NAA35: variants seen among roughly 807,000 people sequenced by gnomAD.
NAA35 encodes N-alpha-acetyltransferase 35, NatC auxiliary subunit.
NAA35 carries 18 observed loss-of-function variants against 101.7 expected under a neutral mutation model. The observed-to-expected ratio is 0.18, with a 90% CI of 0.12 to 0.26. The LOEUF (loss-of-function observed/expected upper bound fraction) is 0.26, where lower values mean the gene tolerates loss of function less well. Among genes scored for constraint, NAA35 ranks in the 10% least tolerant of loss-of-function variants. The pLI is 1.00. For synonymous variants in NAA35, 267 were observed against 273.1 expected (o/e 0.98, Z 0.22); for missense variants, 601 against 886.8 (o/e 0.68, Z 4.09).
At chr9:86,005,954 C>T (rs10868360) in intron 13 of NAA35, among the ~76,000 whole-genome samples, 13,840 of 151,316 alleles carry the variant, frequency 0.091, 776 homozygotes, top group Non-Finnish European at 0.13. Flanking sequence ...GGTTGGATCA[C>T]GAGGTCAGAA....
intron 2 of NAA35, among the ~76,000 whole-genome samples, chr9:85,946,074 A>G (rs996291884): frequency 5.9e-5 from 9 of 152,074 alleles, no homozygotes; most frequent in African/African-American, 1.2e-4. Flanking sequence ...CTGATAGGAA[A>G]TATGTGATTA....
chr9:85,998,097 G>A (rs1428982386), intron 12 of NAA35, among the ~76,000 whole-genome samples: 2 of 152,050 alleles, frequency 1.3e-5, no homozygotes, highest in Non-Finnish European at 2.9e-5. Context: ...TGTATTTTTA[G>A]TAGAAACGGG....
intron 6 of NAA35, among the ~76,000 whole-genome samples, chr9:85,963,665 C>T (rs1335001872): frequency 5.3e-5 from 8 of 152,018 alleles, no homozygotes; most frequent in African/African-American, 1.9e-4. Context: ...TATGGAAAAT[C>T]TTACTCATTT....
At chr9:86,014,480 A>G in intron 17 of NAA35, 1 of 353,608 alleles carries the variant, frequency 2.8e-6, no homozygotes, top group Non-Finnish European at 4.0e-6. Flanking sequence ...TCATAGAAAG[A>G]AAATAAGATT....
At position 85,964,727 on chromosome 9, in the gene NAA35, A is replaced by G. The variant is rs183793935; in HGVS notation, c.516+2547A>G. ...CTTACGATTAGATTAAGATTGTGCA[A>G]TCTTGGCTGGAATATAACATAAGTG... On this transcript the variant is annotated intron_variant, in intron 6 of 22. Coordinates refer to ENST00000361671, the MANE Select transcript of NAA35 (RefSeq NM_024635.4). Among the ~76,000 whole-genome samples, 129 of 152,324 alleles carry G rather than the reference A, an allele frequency of 8.5e-4. 1 individual carries two copies. Among genetic ancestry groups the G allele is most frequent in the Non-Finnish European group, 1.3e-3 (91 of 68,030 alleles).
Position 85,975,130 on chromosome 9 carries a change from G to A in NAA35, c.600G>A (p.Val200=). Residue 200 remains valine, a synonymous_variant, in exon 8 of 23, where the codon GTG becomes GTA. Transcript: ENST00000361671. ...DLRVTGMLKD[V]EDDMQRRVKS... ...TTTTTCTAGGCATGCTAAAAGATGT[G>A]GAGGATGACATGCAAAGAAGAGTAA... is the stretch of plus-strand genomic sequence containing the variant. The A allele has an allele frequency of 6.2e-7, 1 of 1,613,590 alleles. No individual in the cohort carries two copies. Among genetic ancestry groups the A allele is most frequent in the Non-Finnish European group, 8.5e-7 (1 of 1,179,784 alleles).
chr9:86,006,309 T>C (rs1343851663), intron 13 of NAA35, among the ~76,000 whole-genome samples: 2 of 152,206 alleles, frequency 1.3e-5, no homozygotes, highest in African/African-American at 2.4e-5. Flanking sequence ...CCTAGTTGAT[T>C]GCCTAAGAGA....
At position 85,976,691 on chromosome 9, in the gene NAA35, C is replaced by A; in HGVS notation, c.634C>A (p.Arg212=). 2 of 1,581,358 alleles carry A rather than the reference C, an allele frequency of 1.3e-6. No individual in the cohort carries two copies. The highest frequency in any genetic ancestry group is 1.2e-5 in the South Asian group (1 of 85,162). ...ACCTTTTTTAAAATTTTAGAGTACTCGAAGTCGACAAGGAGAAGAAAGAGA... is the reference window on the plus strand; with the variant it reads ...ACCTTTTTTAAAATTTTAGAGTACTAGAAGTCGACAAGGAGAAGAAAGAGA... ...DDMQRRVKST[R]SRQGEERDPE... Residue 212 remains arginine (R), a synonymous_variant, in exon 9 of 23, where the codon CGA becomes AGA. Coordinates refer to ENST00000361671, the MANE Select transcript of NAA35 (RefSeq NM_024635.4).
chr9:85,962,006 T>G lies in NAA35; in HGVS notation c.349-7T>G. 6.3e-7 allele frequency: 1 copy of G among 1,597,938 alleles called. No individual in the cohort carries two copies. Among genetic ancestry groups the G allele is most frequent in the South Asian group, 1.1e-5 (1 of 87,970 alleles). On this transcript the variant is annotated splice_polypyrimidine_tract_variant and splice_region_variant and intron_variant, in intron 5 of 22. Transcript: ENST00000361671. ...CCTTAAATATATACTCTTTTGTTTC[T>G]TTATAGATAACGTGGTTAGAAGGCC...
At chr9:85,967,319 T>TA (rs969722726) in intron 6 of NAA35, among the ~76,000 whole-genome samples, 92 of 152,064 alleles carry the variant, frequency 6.1e-4, no homozygotes, top group African/African-American at 2.2e-3. Flanking sequence ...GTCAAAAGGT[T>TA]AAAAAAAGCA....
intron 14 of NAA35, among the ~76,000 whole-genome samples, chr9:86,009,325 A>G (rs576657161): frequency 6.6e-6 from 1 of 152,110 alleles, no homozygotes; most frequent in Non-Finnish European, 1.5e-5. Flanking sequence ...TGCTGGGTGC[A>G]CTGTCTTTGC....
rs544983331 is a variant in NAA35 at position 86,009,287 on chromosome 9, G to A, written c.1224-578G>A. ...CCCATTTCACCAACTGCCTGTTCCA[G>A]GTGTTGACCTTTTTTCTTTCTCCTG... On this transcript the variant is annotated intron_variant, in intron 14 of 22. Coordinates refer to ENST00000361671, the MANE Select transcript of NAA35 (RefSeq NM_024635.4). 5.1e-4 allele frequency among the ~76,000 whole-genome samples: 78 copies of A among 152,250 alleles called. 2 individuals are homozygous for A. The South Asian group carries it at 0.014, about 28-fold the overall frequency.
At chr9:85,969,003 A>T (rs1256545280) in intron 6 of NAA35, among the ~76,000 whole-genome samples, 1 of 152,154 alleles carries the variant, frequency 6.6e-6, no homozygotes, top group African/African-American at 2.4e-5. Flanking sequence ...CCTATCAGAT[A>T]ATCTGTCAGT....
intron 12 of NAA35, among the ~76,000 whole-genome samples, chr9:86,000,123 C>T (rs929949424): frequency 2.6e-5 from 4 of 152,088 alleles, no homozygotes; most frequent in African/African-American, 4.8e-5. Flanking sequence ...TAAATTTTAT[C>T]AGAAGGCTTT....
At chr9:85,956,311 A>AAAGTTAAAT in intron 2 of NAA35, 49 bp from the exon 3 acceptor site, 1 of 1,144,616 alleles carries the variant, frequency 8.7e-7, no homozygotes, top group Non-Finnish European at 1.2e-6. Context: ...CTTAGAATTA[A>AAAGTTAAAT]AAGTTAAATA....
intron 6 of NAA35, among the ~76,000 whole-genome samples, chr9:85,971,430 C>T (rs1026484511): frequency 4.6e-5 from 7 of 152,160 alleles, no homozygotes; most frequent in African/African-American, 1.4e-4. Context: ...CCTGTGCTTA[C>T]GTCTCTAATT....
At chr9:86,009,391 A>G (rs964500811) in intron 14 of NAA35, among the ~76,000 whole-genome samples, 1 of 152,160 alleles carries the variant, frequency 6.6e-6, no homozygotes, top group Non-Finnish European at 1.5e-5. Context: ...AAAGGAAACC[A>G]CTTTGTGAGA....
At chr9:85,974,371 G>GT (rs1276250117) in intron 6 of NAA35, among the ~76,000 whole-genome samples, 4 of 152,110 alleles carry the variant, frequency 2.6e-5, no homozygotes, top group Admixed American at 2.6e-4. Context: ...TTCAAAGGAA[G>GT]TCCAGCAAAT....
chr9:85,952,257 G>A (rs1432269987), intron 2 of NAA35, among the ~76,000 whole-genome samples: 1 of 146,950 alleles, frequency 6.8e-6, no homozygotes, highest in Non-Finnish European at 1.5e-5. Context: ...GGTAAAAGTA[G>A]TGTTCCATGA....
Sources: allele counts gnomAD v4.1 joint callset (sites outside exome capture counted in the v4.1 genomes callset), GRCh38; gene constraint gnomAD v4.1.1; transcripts MANE v1.5; gene names NCBI Gene and HGNC (gene_info 2026-07-23, HGNC 2026-07-21).